The following NRG3 variants were observed in gnomAD, a reference collection of about 807,000 sequenced individuals.
NRG3 encodes neuregulin 3, also known as pro-neuregulin-3, membrane-bound isoform.
A neutral mutation model predicts 66.9 loss-of-function variants in NRG3; 31 were observed. The observed-to-expected ratio is 0.46, with a 90% CI of 0.35 to 0.63. NRG3 has a LOEUF of 0.63. Ranked by LOEUF, NRG3 falls within the 20% of genes least tolerant of loss-of-function variation. The probability of loss-of-function intolerance (pLI) is 0.00; values close to 1 mark genes in which losing one functional copy is unlikely to be tolerated. For synonymous variants in NRG3, 393 were observed against 359.4 expected, an observed-to-expected ratio of 1.09 and a Z score of -1.06; for missense variants, 910 against 878.9, an observed-to-expected ratio of 1.04 and a Z score of -0.45.
chr10:82,502,086 G>C (rs937465393), intron 2 of NRG3, among the ~76,000 whole-genome samples: 4 of 152,182 alleles, frequency 2.6e-5, no homozygotes, highest in African/African-American at 4.8e-5. Flanking sequence ...TGAATGCTAT[G>C]GGTGAGATAA....
chr10:82,454,844 C>T (rs1373875048), intron 2 of NRG3, among the ~76,000 whole-genome samples: 1 of 152,166 alleles, frequency 6.6e-6, no homozygotes, highest in East Asian at 1.9e-4. Context: ...ATCTGTACAT[C>T]AAAAAGCATA....
chr10:82,835,876 C>T (rs1221107170), intron 3 of NRG3, among the ~76,000 whole-genome samples: 1 of 152,226 alleles, frequency 6.6e-6, no homozygotes, highest in African/African-American at 2.4e-5. Context: ...CAGTCCTGTA[C>T]ACTCAGAGTG....
intron 3 of NRG3, among the ~76,000 whole-genome samples, chr10:82,824,987 C>T (rs1474412824): frequency 1.3e-5 from 2 of 152,128 alleles, no homozygotes; most frequent in African/African-American, 2.4e-5. Context: ...GTTGAGATTA[C>T]AGAGGTGAGC....
Position 81,905,196 on chromosome 10 carries a change from A to G in NRG3, c.823+29033A>G, listed in dbSNP as rs1019720286. 5.3e-5 allele frequency among the ~76,000 whole-genome samples: 8 copies of G among 152,212 alleles called. No individual in the cohort carries two copies. In the East Asian group the frequency reaches 7.7e-4, roughly 15 times the overall value. On this transcript the variant is annotated intron_variant, in intron 1 of 8. Transcript: ENST00000372141. ...TAAGTGATCACTGTTTCCAATTTTT[A>G]TACACTTACAAACCACTCTTCGTTT... is the stretch of plus-strand genomic sequence containing the variant.
chr10:81,970,811 G>C (rs2059906558), intron 1 of NRG3, among the ~76,000 whole-genome samples: 1 of 152,130 alleles, frequency 6.6e-6, no homozygotes. Flanking sequence ...ATACAATTTA[G>C]GAAGCACATT....
At chr10:82,377,084 TTTGA>T (rs1346928878) in intron 2 of NRG3, among the ~76,000 whole-genome samples, 1 of 152,230 alleles carries the variant, frequency 6.6e-6, no homozygotes, top group African/African-American at 2.4e-5. Context: ...TGCTTATGTC[TTTGA>T]TTGATGTATA....
At chr10:82,411,207 G>T (rs957236883) in intron 2 of NRG3, among the ~76,000 whole-genome samples, 1 of 152,014 alleles carries the variant, frequency 6.6e-6, no homozygotes, top group East Asian at 1.9e-4. Flanking sequence ...ATTACAAAGT[G>T]CTGGGCCGCT....
intron 2 of NRG3, among the ~76,000 whole-genome samples, chr10:82,649,222 A>T (rs924480866): frequency 4.6e-5 from 7 of 152,042 alleles, no homozygotes; most frequent in African/African-American, 1.7e-4. Context: ...GATCTAGAAA[A>T]TGTTTGCATT....
At chr10:82,026,631 T>G (rs1026162138) in intron 1 of NRG3, among the ~76,000 whole-genome samples, 6 of 151,094 alleles carry the variant, frequency 4.0e-5, no homozygotes, top group Non-Finnish European at 7.4e-5. Flanking sequence ...ATTTGGTAAA[T>G]TTTTTTGTGT....
In NRG3 at chr10:82,519,492, A is replaced by G. The variant is rs111919912; in HGVS notation, c.953+160624A>G. ...GTGATGACAACACAAACACCATCACATTTATTTAAACCATGACTTTCTTTA... is the reference window on the plus strand; with the variant it reads ...GTGATGACAACACAAACACCATCACGTTTATTTAAACCATGACTTTCTTTA... On this transcript the variant is annotated intron_variant, in intron 2 of 8. Coordinates refer to ENST00000372141, the MANE Select transcript of NRG3 (RefSeq NM_001010848.4). Among the ~76,000 whole-genome samples the G allele has an allele frequency of 8.8e-3, 1,335 of 152,264 alleles. 21 individuals are homozygous for G. Among genetic ancestry groups the G allele is most frequent in the African/African-American group, 0.029 (1,216 of 41,556 alleles).
chr10:82,322,913 A>AAG (rs898800228), intron 1 of NRG3, among the ~76,000 whole-genome samples: 26 of 152,352 alleles, frequency 1.7e-4, no homozygotes, highest in African/African-American at 6.0e-4. Flanking sequence ...ATCATTTAAA[A>AAG]AGAGTCTCTT....
intron 1 of NRG3, among the ~76,000 whole-genome samples, chr10:82,013,190 A>G (rs976539698): frequency 6.6e-6 from 1 of 152,142 alleles, no homozygotes; most frequent in African/African-American, 2.4e-5. Flanking sequence ...AGGAGGAGCA[A>G]TCACATCTTA....
chr10:82,916,705 T>G (rs1406243571), intron 4 of NRG3, among the ~76,000 whole-genome samples: 1 of 151,810 alleles, frequency 6.6e-6, no homozygotes. Flanking sequence ...CAGCTCCGCC[T>G]CCCAGGTTCA....
At chr10:82,628,189 A>G (rs962669474) in intron 2 of NRG3, among the ~76,000 whole-genome samples, 3 of 152,172 alleles carry the variant, frequency 2.0e-5, no homozygotes, top group Non-Finnish European at 1.5e-5. Flanking sequence ...AATTTTAAAG[A>G]TAGTGATTGG....
At chr10:82,568,211 C>T (rs572892840) in intron 2 of NRG3, among the ~76,000 whole-genome samples, 2 of 151,750 alleles carry the variant, frequency 1.3e-5, no homozygotes, top group East Asian at 3.9e-4. Flanking sequence ...AATAAAGAGG[C>T]AAAGTCATGA....
intron 1 of NRG3, among the ~76,000 whole-genome samples, chr10:81,994,393 G>C (rs1437672507): frequency 6.6e-6 from 1 of 152,016 alleles, no homozygotes; most frequent in African/African-American, 2.4e-5. Flanking sequence ...ATTGTGTTAA[G>C]CTGAAAGGTA....
At chr10:82,007,443 G>A (rs1204890774) in intron 1 of NRG3, among the ~76,000 whole-genome samples, 4 of 151,926 alleles carry the variant, frequency 2.6e-5, no homozygotes, top group Non-Finnish European at 4.4e-5. Context: ...TCTTGACTTT[G>A]TGATCTGCAT....
intron 1 of NRG3, among the ~76,000 whole-genome samples, chr10:82,000,038 T>C (rs12249720): frequency 0.025 from 3,853 of 152,250 alleles, 162 homozygotes; most frequent in African/African-American, 0.089. Context: ...TCCAAACATA[T>C]CAGTTTGAAA....
intron 2 of NRG3, among the ~76,000 whole-genome samples, chr10:82,695,838 T>A (rs113851145): frequency 6.6e-6 from 1 of 152,146 alleles, no homozygotes; most frequent in Non-Finnish European, 1.5e-5. Flanking sequence ...CTCACTTATG[T>A]CATTTTGAAG....
Sources: gnomAD v4.1 joint callset for allele counts (sites outside exome capture counted in the v4.1 genomes callset) on GRCh38, gnomAD v4.1.1 for gene constraint, MANE v1.5 for transcripts, NCBI Gene and HGNC (gene_info 2026-07-23, HGNC 2026-07-21) for gene names.